HSF2BP: variants seen among roughly 807,000 people sequenced by gnomAD.
The protein encoded by HSF2BP is heat shock factor 2-binding protein.
Under a neutral mutation model 35.0 loss-of-function variants are expected in HSF2BP, and 35 were observed. The ratio of observed to expected loss-of-function variants is 1.00; its 90% confidence interval spans 0.76 to 1.32. The LOEUF is 1.32. Among genes scored for constraint, HSF2BP ranks in the 40% most tolerant of loss-of-function variants. HSF2BP has a pLI of 0.00. For synonymous variants in HSF2BP, 114 were observed against 117.4 expected, an observed-to-expected ratio of 0.97 and a Z score of 0.18; for missense variants, 326 against 321.7, an observed-to-expected ratio of 1.01 and a Z score of -0.10.
At chr21:43,600,084 C>T (rs17004584) in intron 7 of HSF2BP, among the ~76,000 whole-genome samples, 25,324 of 152,058 alleles carry the variant, frequency 0.17, 2,530 homozygotes, top group South Asian at 0.24. Flanking sequence ...ACGAGTAACT[C>T]ATCTTCGATA....
intron 4 of HSF2BP, among the ~76,000 whole-genome samples, chr21:43,643,448 C>T (rs1460339200): frequency 6.6e-6 from 1 of 152,134 alleles, no homozygotes; most frequent in Non-Finnish European, 1.5e-5. Flanking sequence ...CTTGCTCTCA[C>T]AGGAATGGAT....
intron 6 of HSF2BP, among the ~76,000 whole-genome samples, chr21:43,624,645 C>T (rs892648739): frequency 2.0e-5 from 3 of 152,052 alleles, no homozygotes; most frequent in African/African-American, 7.2e-5. Context: ...TCCAGTCCTG[C>T]CCCCAAATTA....
Position 43,659,171 on chromosome 21 carries a change from C to T in HSF2BP, c.-225+215G>A, listed in dbSNP as rs931975908. Among the ~76,000 whole-genome samples, 1 of 152,026 alleles carries T rather than the reference C, an allele frequency of 6.6e-6. No homozygotes were observed. The highest frequency in any genetic ancestry group is 2.4e-5 in the African/African-American group (1 of 41,390). On this transcript the variant is annotated intron_variant, in intron 1 of 8. Transcript: ENST00000291560. The surrounding 1 kb of genome is among the most constrained non-coding windows in gnomAD (Gnocchi z 4.2). The stretch of plus-strand genomic sequence containing the variant: ...AAATAGTGGGGCGTGATGGCGCGCG[C>T]CTGTAGTCTCAGCTACTTGGGCGGT...
In HSF2BP at chr21:43,633,416, T is replaced by C; in HGVS notation, c.297A>G (p.Lys99=). ...CATTCAACTGCTGTCGAAGAGCCAG[T>C]TTCTCCTAAAAGCAAAACAAAATTG... is the stretch of plus-strand genomic sequence containing the variant. The part of the protein sequence containing the change: ...QADNIREKKE[K]LALRQQLNEA... The change falls in exon 5 of 9, where the codon AAA becomes AAG. Residue 99 remains lysine, a synonymous_variant. Transcript: ENST00000291560. The C allele has an allele frequency of 6.2e-7, 1 of 1,608,080 alleles. No homozygotes were observed. The highest frequency in any genetic ancestry group is 1.1e-5 in the South Asian group (1 of 89,512).
At chr21:43,579,782 C>T (rs551693486) in intron 8 of HSF2BP, among the ~76,000 whole-genome samples, 29 of 152,350 alleles carry the variant, frequency 1.9e-4, no homozygotes, top group East Asian at 9.6e-4. Context: ...CCGACTCTAA[C>T]AGCCATTGTA....
intron 6 of HSF2BP, among the ~76,000 whole-genome samples, chr21:43,629,022 G>C (rs2146989999): frequency 6.6e-6 from 1 of 152,340 alleles, no homozygotes; most frequent in East Asian, 1.9e-4. Context: ...CATTGACAAT[G>C]CACCTGGTCA....
intron 8 of HSF2BP, among the ~76,000 whole-genome samples, chr21:43,589,300 G>A (rs1045875163): frequency 8.5e-5 from 13 of 152,144 alleles, no homozygotes; most frequent in Non-Finnish European, 1.3e-4. Context: ...AACAAAGGAG[G>A]TCAGTTCCTC....
chr21:43,624,783 T>A (rs1178647639), intron 6 of HSF2BP, among the ~76,000 whole-genome samples: 1 of 152,182 alleles, frequency 6.6e-6, no homozygotes, highest in Admixed American at 6.5e-5. Flanking sequence ...TTTAAAAGAT[T>A]TCACTAGGAA....
intron 6 of HSF2BP, among the ~76,000 whole-genome samples, chr21:43,625,155 C>T (rs2082374098): frequency 6.6e-6 from 1 of 152,122 alleles, no homozygotes; most frequent in Non-Finnish European, 1.5e-5. Context: ...GTAACAGCTA[C>T]CCCATTCTTT....
the HSF2BP span, among the ~76,000 whole-genome samples, chr21:43,494,512 AG>A: frequency 2.0e-3 from 1 of 510 alleles, no homozygotes; most frequent in Middle Eastern, 0.5. Flanking sequence ...GGTCAGAGTG[AG>A]GGGGGGCACA....
In HSF2BP at chr21:43,604,850, ACAC is replaced by A. The variant is rs551499156; in HGVS notation, c.692+8977_692+8979del. Among the ~76,000 whole-genome samples, 12 of 146,450 alleles carry A rather than the reference ACAC, an allele frequency of 8.2e-5. No individual in the cohort carries two copies. The East Asian group carries it at 2.1e-3, about 25-fold the overall frequency. On this transcript the variant is annotated intron_variant, in intron 7 of 8. Coordinates refer to ENST00000291560, the MANE Select transcript of HSF2BP (RefSeq NM_007031.2). ...ACACCACACACACCACACATCACAC[ACAC>A]CACACCCACACACCACATACACACC...
intron 8 of HSF2BP, among the ~76,000 whole-genome samples, chr21:43,589,497 A>C (rs890157989): frequency 3.3e-5 from 5 of 152,220 alleles, no homozygotes; most frequent in African/African-American, 1.2e-4. Flanking sequence ...TTTTGGTAGC[A>C]AGTGACGAGC....
At chr21:43,618,573 A>T (rs901901577) in intron 6 of HSF2BP, among the ~76,000 whole-genome samples, 2 of 152,156 alleles carry the variant, frequency 1.3e-5, no homozygotes, top group Admixed American at 6.5e-5. Flanking sequence ...CATGCAAAGG[A>T]AGGAAGTTGA....
chr21:43,641,050 T>C (rs954772286), intron 4 of HSF2BP, among the ~76,000 whole-genome samples: 2 of 152,242 alleles, frequency 1.3e-5, no homozygotes, highest in African/African-American at 4.8e-5. Context: ...ATTTTTCTTT[T>C]AAAAGTTTCT....
intron 2 of HSF2BP, 169 bp downstream of exon 2, chr21:43,657,892 A>G (rs2082898713): frequency 2.0e-6 from 2 of 985,418 alleles, no homozygotes; most frequent in Non-Finnish European, 2.4e-6. Context: ...CTCCCGCCCC[A>G]GGTCTCCACC....
chr21:43,598,726 A>G (rs760716562), intron 7 of HSF2BP, among the ~76,000 whole-genome samples: 3 of 152,190 alleles, frequency 2.0e-5, no homozygotes, highest in Non-Finnish European at 4.4e-5. Flanking sequence ...CTAGTAACCT[A>G]TTTAATGAGG....
chr21:43,644,589 A>G (rs1370161480), intron 3 of HSF2BP, among the ~76,000 whole-genome samples, 197 bp from the exon 4 acceptor site: 1 of 152,212 alleles, frequency 6.6e-6, no homozygotes, highest in Non-Finnish European at 1.5e-5. Context: ...CTCAGTTTTT[A>G]GCCCACAGCA....
chr21:43,644,457 T>C (rs2082682344), intron 3 of HSF2BP, 65 bp from the exon 4 acceptor site: 1 of 1,320,814 alleles, frequency 7.6e-7, no homozygotes, highest in Non-Finnish European at 1.1e-6. Context: ...AAGCATCTAT[T>C]TTGCCCAGTC....
chr21:43,607,063 C>A (rs549604365), intron 7 of HSF2BP, among the ~76,000 whole-genome samples: 4 of 152,026 alleles, frequency 2.6e-5, no homozygotes, highest in Non-Finnish European at 5.9e-5. Context: ...CCAAGGAAGG[C>A]GGATCACTTG....
Sources: allele counts gnomAD v4.1 joint callset (sites outside exome capture counted in the v4.1 genomes callset), GRCh38; gene constraint gnomAD v4.1.1; non-coding constraint Gnocchi (gnomAD v3.1); transcripts MANE v1.5; gene names NCBI Gene and HGNC (gene_info 2026-07-23, HGNC 2026-07-21).